ZFHX4: variants seen among roughly 807,000 people sequenced by gnomAD.
ZFHX4 encodes the protein zinc finger homeobox protein 4.
Under a neutral mutation model 267.6 loss-of-function variants are expected in ZFHX4, and 56 were observed. The ratio of observed to expected loss-of-function variants is 0.21; its 90% CI spans 0.17 to 0.26. ZFHX4 has a LOEUF of 0.26. Among genes scored for constraint, ZFHX4 ranks in the 10% least tolerant of loss-of-function variants. The pLI, the probability that ZFHX4 is intolerant of heterozygous loss-of-function variation, is 1.00. For missense variants in ZFHX4, 4,332 were observed against 4,420.0 expected (o/e 0.98, Z 0.56); for synonymous variants, 1,778 against 1,665.6 (o/e 1.07, Z -1.64).
rs1807531051 is a variant in ZFHX4, at chr8:76,681,587, G to T, written c.-80G>T. 3 of 397,936 alleles carry T rather than the reference G, an allele frequency of 7.5e-6. No individual in the cohort carries two copies. Among genetic ancestry groups the T allele is most frequent in the African/African-American group, 2.1e-5 (1 of 48,580 alleles). The allele number at this position is 397,936 out of a possible 1,614,324, so 24.7% of individuals were successfully genotyped here. On this transcript the variant is annotated 5_prime_UTR_variant, in exon 1 of 11. Coordinates refer to ENST00000651372, the MANE Select transcript of ZFHX4 (RefSeq NM_024721.5). ...AATAAAAGCAAAACAAAAAAGAGGC[G>T]AAGATCGAGTAGGAACTGCAGGGGA...
intron 3 of ZFHX4, among the ~76,000 whole-genome samples, chr8:76,713,015 A>G (rs1808466986): frequency 6.6e-6 from 1 of 152,230 alleles, no homozygotes; most frequent in Non-Finnish European, 1.5e-5. Context: ...TGGTTTGCTA[A>G]TAGCAACTAA....
intron 1 of ZFHX4, among the ~76,000 whole-genome samples, chr8:76,688,045 A>G (rs1463651063): frequency 6.6e-6 from 1 of 152,198 alleles, no homozygotes; most frequent in African/African-American, 2.4e-5. Context: ...CTGTGTTTTC[A>G]TCATCATTGG....
intron 1 of ZFHX4, among the ~76,000 whole-genome samples, chr8:76,699,243 C>T (rs573051407): frequency 6.6e-6 from 1 of 152,230 alleles, no homozygotes; most frequent in African/African-American, 2.4e-5. Context: ...TAAAAATGTG[C>T]TTTTGTTAAG....
Position 76,864,425 on chromosome 8 carries a change from GAAAGTTGTT to G in ZFHX4, c.10712_10720del (p.Glu3571_Ser3574delinsAla), listed in dbSNP as rs1563572700. Reference sequence around the variant, plus strand: ...AGGGGTTCAAACCTCACTACCCACAGAAAGTTGTTCAGATGAGTCTGACAGTGAGCTGAG... The same window carrying G: ...AGGGGTTCAAACCTCACTACCCACAGCAGATGAGTCTGACAGTGAGCTGAG... On this transcript the variant is annotated inframe_deletion, in exon 11 of 11. Coordinates refer to ENST00000651372, the MANE Select transcript of ZFHX4 (RefSeq NM_024721.5). The G allele has an allele frequency of 1.6e-5, 26 of 1,613,696 alleles. No individual in the cohort carries two copies. The highest frequency in any genetic ancestry group is 2.1e-5 in the Non-Finnish European group (25 of 1,179,834).
Position 76,681,510 on chromosome 8 carries a change from G to GT in ZFHX4, c.-150dup, listed in dbSNP as rs774296490. 2.4e-4 allele frequency: 94 copies of GT among 396,898 alleles called. 1 individual carries two copies. Among genetic ancestry groups the GT allele is most frequent in the East Asian group, 1.6e-3 (46 of 27,996 alleles). 24.6% of individuals were successfully genotyped at this position (396,898 alleles called of 1,614,324 possible). ...TCGAGGATTATTTTTTATTTTTTTTGTTTTTTTAATGAACCCTCTCGTTTT... is the reference window on the plus strand; with the variant it reads ...TCGAGGATTATTTTTTATTTTTTTTGTTTTTTTTAATGAACCCTCTCGTTTT... On this transcript the variant is annotated 5_prime_UTR_variant, in exon 1 of 11. Transcript: ENST00000651372.
chr8:76,778,225 G>A lies in ZFHX4; in HGVS notation c.3111G>A (p.Glu1037=). ...LKLYKHLQKQ[E]GAVNPESCYY... is the part of the protein sequence containing the mutation. ...CCTTTCAGCACTTGCAGAAGCAAGA[G>A]GGTGCAGTGAATCCCGAATCCTGCT... Residue 1037 remains glutamate (E), a synonymous_variant, in exon 4 of 11, where the codon GAG becomes GAA. Transcript: ENST00000651372. 3 of 1,612,386 alleles carry A rather than the reference G, an allele frequency of 1.9e-6. No individual in the cohort carries two copies. Among genetic ancestry groups the A allele is most frequent in the South Asian group, 2.2e-5 (2 of 91,060 alleles).
chr8:76,810,096 G>A (rs1811338430), intron 4 of ZFHX4, among the ~76,000 whole-genome samples: 1 of 152,142 alleles, frequency 6.6e-6, no homozygotes, highest in Non-Finnish European at 1.5e-5. Flanking sequence ...AAGCTTGGAT[G>A]CCACATAGTT....
chr8:76,683,554 C>A lies in ZFHX4; in HGVS notation c.-47+1934C>A, dbSNP rs75909903. ...ATTTCCTCTCCTTGAGTCTCCCCCC[C>A]ACCCTTTTTATTAACTCTGTTCCAT... On this transcript the variant is annotated intron_variant, in intron 1 of 10. Coordinates refer to ENST00000651372, the MANE Select transcript of ZFHX4 (RefSeq NM_024721.5). 6.6e-3 allele frequency among the ~76,000 whole-genome samples: 1,001 copies of A among 151,798 alleles called. 20 individuals carry two copies. Among genetic ancestry groups the A allele is most frequent in the African/African-American group, 0.023 (942 of 41,380 alleles).
Position 76,864,329 on chromosome 8 carries a change from G to A in ZFHX4, c.10615G>A (p.Ala3539Thr), listed in dbSNP as rs780690860. The change falls in exon 11 of 11, where the codon GCT becomes ACT. Residue 3539 changes from alanine (A) to threonine (T), a missense_variant. Transcript: ENST00000651372. ...ILFQASARRAASPPSSPPSLS... is the reference protein window; with the variant it reads ...ILFQASARRATSPPSSPPSLS... ...TTTCCAAGCGTCTGCCAGGAGAGCT[G>A]CTTCTCCCCCTTCTTCTCCTCCTTC... 3 of 1,613,766 alleles carry A rather than the reference G, an allele frequency of 1.9e-6. No homozygotes were observed. The highest frequency in any genetic ancestry group is 2.2e-5 in the South Asian group (2 of 91,080).
In ZFHX4 at chr8:76,752,487, C is replaced by CAAAAAAAAAAAA. The variant is rs144149879; in HGVS notation, c.3094-25710_3094-25699dup. Among the ~76,000 whole-genome samples, 48 of 70,874 alleles carry CAAAAAAAAAAAA rather than the reference C, an allele frequency of 6.8e-4. 1 individual carries two copies. The highest frequency in any genetic ancestry group is 9.3e-4 in the Admixed American group (5 of 5,362). 46.5% of individuals were successfully genotyped at this position (70,874 alleles called of 152,430 possible). On this transcript the variant is annotated intron_variant, in intron 3 of 10. Transcript: ENST00000651372. ...TGAAACCCTGTCTCTACCAAAAATC[C>CAAAAAAAAAAAA]AAAAAAAAAAAAAAAAAAAAAAGAA...
At chr8:76,763,833 GTAA>G (rs1188986562) in intron 3 of ZFHX4, among the ~76,000 whole-genome samples, 3 of 152,086 alleles carry the variant, frequency 2.0e-5, no homozygotes, top group Non-Finnish European at 4.4e-5. Context: ...GCTGATACTA[GTAA>G]TAATAATGCA....
chr8:76,718,667 T>C (rs1585879103), intron 3 of ZFHX4, among the ~76,000 whole-genome samples: 1 of 152,094 alleles, frequency 6.6e-6, no homozygotes, highest in Non-Finnish European at 1.5e-5. Context: ...TGAAGAGCTG[T>C]TTAATTTTTA....
rs1193866958 is a variant in ZFHX4, at chr8:76,833,407, G to T, written c.3394+1G>T. On this transcript the variant is annotated splice_donor_variant, in intron 5 of 10. Coordinates refer to ENST00000651372, the MANE Select transcript of ZFHX4 (RefSeq NM_024721.5). LOFTEE classifies it high-confidence loss of function. ...GAGCAGCAGTTGAGATCGACCTCAG[G>T]TAATGGTTCCTACTCCTTCTCAAAA... is the stretch of plus-strand genomic sequence containing the variant. 6.2e-7 allele frequency: 1 copy of T among 1,603,232 alleles called. No homozygotes were observed. The highest frequency in any genetic ancestry group is 1.7e-5 in the Admixed American group (1 of 58,748).
chr8:76,694,067 G>C (rs913072587), intron 1 of ZFHX4, among the ~76,000 whole-genome samples: 2 of 152,162 alleles, frequency 1.3e-5, no homozygotes, highest in Non-Finnish European at 2.9e-5. Context: ...TTATGCTAGA[G>C]TTGACTCTGA....
At chr8:76,782,163 TG>T in intron 4 of ZFHX4, 1 of 439,020 alleles carries the variant, frequency 2.3e-6, no homozygotes, top group Non-Finnish European at 4.6e-6. Context: ...CCAAATCTTC[TG>T]GAGCGCTTGT....
rs1808178296 is a variant in ZFHX4, at chr8:76,704,169, T to G, written c.81T>G (p.Leu27=). Residue 27 remains leucine, a synonymous_variant, in exon 2 of 11, where the codon CTT becomes CTG. Transcript: ENST00000651372. ...STSKLCGTTQ[L]DNEVPEKVAG... ...CAAAGCTATGTGGAACGACACAACT[T>G]GATAATGAGGTGCCAGAGAAAGTTG... The G allele has an allele frequency of 6.2e-7, 1 of 1,613,786 alleles. No homozygotes were observed. The highest frequency in any genetic ancestry group is 8.5e-7 in the Non-Finnish European group (1 of 1,179,876).
At chr8:76,687,932 G>T (rs772128902) in intron 1 of ZFHX4, among the ~76,000 whole-genome samples, 5 of 152,142 alleles carry the variant, frequency 3.3e-5, no homozygotes, top group African/African-American at 9.7e-5. Context: ...GAAAATGCAG[G>T]CTTCTCTTTC....
chr8:76,755,771 C>T (rs186371902), intron 3 of ZFHX4, among the ~76,000 whole-genome samples: 3 of 152,226 alleles, frequency 2.0e-5, no homozygotes, highest in East Asian at 1.9e-4. Context: ...AGAGCCTTTG[C>T]GACTTCTTTG....
At chr8:76,800,931 C>A (rs572643619) in intron 4 of ZFHX4, among the ~76,000 whole-genome samples, 4 of 152,256 alleles carry the variant, frequency 2.6e-5, no homozygotes, top group Non-Finnish European at 4.4e-5. Flanking sequence ...CTTGGTGAGA[C>A]ATAATGGGAA....
Sources: allele counts gnomAD v4.1 joint callset (sites outside exome capture counted in the v4.1 genomes callset), GRCh38; gene constraint gnomAD v4.1.1; transcripts MANE v1.5; gene names NCBI Gene and HGNC (gene_info 2026-07-23, HGNC 2026-07-21).